CNFN: variants seen among roughly 807,000 people sequenced by gnomAD.
The protein encoded by CNFN is cornefied envelope protein cornefilin.
In CNFN, 10 loss-of-function variants were observed where a neutral mutation model predicts 14.9. The observed-to-expected ratio is 0.67, with a 90% CI of 0.41 to 1.14. The LOEUF (loss-of-function observed/expected upper bound fraction) is 1.14. CNFN is among the 50% of genes most tolerant of loss of function. The pLI is 0.00. For synonymous variants in CNFN, 66 were observed against 60.0 expected, an observed-to-expected ratio of 1.10 and a Z score of -0.46; for missense variants, 165 against 152.8, an observed-to-expected ratio of 1.08 and a Z score of -0.42.
At chr19:42,389,484 C>T (rs1303474143) in intron 1 of CNFN, 1 of 1,291,058 alleles carries the variant, frequency 7.7e-7, no homozygotes, top group Non-Finnish European at 1.0e-6. Flanking sequence ...ACCCAGCGGT[C>T]CCACCTTTGC....
intron 3 of CNFN, 33 bp downstream of exon 3, chr19:42,387,307 C>T (rs747123593): frequency 6.2e-6 from 10 of 1,601,108 alleles, no homozygotes; most frequent in Non-Finnish European, 6.8e-6. Flanking sequence ...TCCCCAGCTC[C>T]CTGCTCCCGC....
At position 42,389,104 on chromosome 19, in the gene CNFN, G is replaced by A. The variant is rs2039878790; in HGVS notation, c.-2-65C>T. ...CAGCATCTCCTGGGCCCCGCACTTC[G>A]GCCACCCTTCCCTGTGCCGGGCAGT... On this transcript the variant is annotated intron_variant, in intron 1 of 3. Coordinates refer to ENST00000222032, the MANE Select transcript of CNFN (RefSeq NM_032488.4). 2.2e-5 allele frequency: 27 copies of A among 1,246,886 alleles called. No individual in the cohort carries two copies. In the South Asian group the frequency reaches 2.2e-4, roughly 10 times the overall value. 77.2% of individuals were successfully genotyped at this position (1,246,886 alleles called of 1,614,324 possible).
In CNFN at chr19:42,387,148, C is replaced by A; in HGVS notation, c.*5G>T. On this transcript the variant is annotated 3_prime_UTR_variant, in exon 4 of 4. Transcript: ENST00000222032. ...GGAAAAGGACGGGGAAGACAGGGAA[C>A]TTCCTTACTCTCGGATCTTCAGTTC... The A allele has an allele frequency of 6.2e-7, 1 of 1,614,178 alleles. No homozygotes were observed. The highest frequency in any genetic ancestry group is 8.5e-7 in the Non-Finnish European group (1 of 1,179,990).
intron 1 of CNFN, chr19:42,389,415 G>T: frequency 8.2e-7 from 1 of 1,224,790 alleles, no homozygotes. Flanking sequence ...TGTCTTCGAA[G>T]CAAGGGTGCC....
At position 42,387,031 on chromosome 19, in the gene CNFN, T is replaced by C. The variant is rs572485469; in HGVS notation, c.*122A>G. The stretch of plus-strand genomic sequence containing the variant: ...GATGTAGGCGGAGTTGGTTTTCAGG[T>C]TTTTATTGTGGGTGTATTTCTGGCA... On this transcript the variant is annotated 3_prime_UTR_variant, in exon 4 of 4. Coordinates refer to ENST00000222032, the MANE Select transcript of CNFN (RefSeq NM_032488.4). 1.0e-6 allele frequency: 1 copy of C among 982,450 alleles called. No individual in the cohort carries two copies. Among genetic ancestry groups the C allele is most frequent in the African/African-American group, 1.6e-5 (1 of 61,970 alleles). The allele number at this position is 982,450 out of a possible 1,614,324, so 60.9% of individuals were successfully genotyped here.
intron 2 of CNFN, among the ~76,000 whole-genome samples, chr19:42,388,021 G>GA (rs1177300285): frequency 6.5e-5 from 9 of 138,132 alleles, no homozygotes; most frequent in Middle Eastern, 3.8e-3. Context: ...ACGAAAGAAA[G>GA]AAAAAAAAAG....
chr19:42,388,013 G>A (rs1453483239), intron 2 of CNFN, among the ~76,000 whole-genome samples: 27 of 139,862 alleles, frequency 1.9e-4, no homozygotes, highest in Middle Eastern at 3.8e-3. Context: ...AAAAAAAAAC[G>A]AAAGAAAGAA....
intron 2 of CNFN, 81 bp from the exon 3 acceptor site, chr19:42,387,557 C>G (rs2039862798): frequency 1.8e-6 from 2 of 1,087,240 alleles, no homozygotes; most frequent in Admixed American, 5.5e-5. Context: ...GCGGTTGATT[C>G]GCCGCGGAGG....
rs772510901 is a variant in CNFN, at chr19:42,387,445, AAGGCACAG to A, written c.136_143del (p.Leu46CysfsTer105). On this transcript the variant is annotated frameshift_variant, in exon 3 of 4. Transcript: ENST00000222032. LOFTEE classifies it high-confidence loss of function. ...CAAAGTCGTCGGAGATGCGGCAGGC[AAGGCACAG>A]AGGAGCAAAAGTGCCGCACAGACCT... The A allele has an allele frequency of 6.3e-7, 1 of 1,596,636 alleles. No homozygotes were observed. The highest frequency in any genetic ancestry group is 1.1e-5 in the South Asian group (1 of 88,726).
chr19:42,387,524 G>A (rs771397006), intron 2 of CNFN, 48 bp from the exon 3 acceptor site: 3 of 1,462,612 alleles, frequency 2.1e-6, no homozygotes, highest in Non-Finnish European at 2.7e-6. Context: ...GGGGCCTCCC[G>A]ACGGCTCCGC....
At chr19:42,388,360 T>C (rs1411431155) in intron 2 of CNFN, among the ~76,000 whole-genome samples, 1 of 151,900 alleles carries the variant, frequency 6.6e-6, no homozygotes, top group African/African-American at 2.4e-5. Flanking sequence ...GCCCGGTTTT[T>C]TTTTTTGTAT....
At chr19:42,389,812 G>A (rs1430022030) in intron 1 of CNFN, among the ~76,000 whole-genome samples, 1 of 152,236 alleles carries the variant, frequency 6.6e-6, no homozygotes, top group Admixed American at 6.5e-5. Flanking sequence ...CCGAGATAGA[G>A]CTTGAGGGAG....
rs1469679092 is a variant in CNFN at position 42,387,257 on chromosome 19, A to T, written c.250-15T>A. 10 of 1,612,050 alleles carry T rather than the reference A, an allele frequency of 6.2e-6. No individual in the cohort carries two copies. In the South Asian group the frequency reaches 9.9e-5, roughly 16 times the overall value. ...CCGACGGAGCCCTAGAGGGTAGGAG[A>T]GAGCGGTCAGGAGCCCCGCGGTGGG... On this transcript the variant is annotated splice_polypyrimidine_tract_variant and intron_variant, in intron 3 of 3. Transcript: ENST00000222032.
chr19:42,387,504 G>C, intron 2 of CNFN, 28 bp from the exon 3 acceptor site: 1 of 1,510,610 alleles, frequency 6.6e-7, no homozygotes, highest in East Asian at 2.5e-5. Flanking sequence ...GCTCAGGGGC[G>C]GGGCCAGCCG....
rs1555786089 is a variant in CNFN at position 42,388,005 on chromosome 19, A to AAAC, written c.113-530_113-529insGTT. Among the ~76,000 whole-genome samples the AAAC allele has an allele frequency of 1.2e-3, 172 of 143,684 alleles. 6 individuals are homozygous for AAAC. Among genetic ancestry groups the AAAC allele is most frequent in the African/African-American group, 4.5e-3 (162 of 36,232 alleles). 94.3% of individuals were successfully genotyped at this position (143,684 alleles called of 152,430 possible). A position where few individuals can be genotyped will look rare whatever the true frequency, so the allele number is the denominator to read the frequency against. On this transcript the variant is annotated intron_variant, in intron 2 of 3. Coordinates refer to ENST00000222032, the MANE Select transcript of CNFN (RefSeq NM_032488.4). ...AAAAAAAACAAAAAACAAAACAAAA[A>AAAC]AAAAAACGAAAGAAAGAAAAAAAAA...
Position 42,388,951 on chromosome 19 carries a change from C to A in CNFN, c.87G>T (p.Thr29=), listed in dbSNP as rs752854433. ...AGACAGGCATGTCGTTGCAGCAGTC[C>A]GTGAGACCTGTGTGCCAGTCACTGA... ...TQLSDWHTGL[T]DCCNDMPVCL... is the part of the protein sequence containing the mutation. Residue 29 remains threonine (T), a synonymous_variant, in exon 2 of 4, where the codon ACG becomes ACT. Coordinates refer to ENST00000222032, the MANE Select transcript of CNFN (RefSeq NM_032488.4). 6 of 1,613,470 alleles carry A rather than the reference C, an allele frequency of 3.7e-6. No individual in the cohort carries two copies. Among genetic ancestry groups the A allele is most frequent in the Admixed American group, 1.7e-5 (1 of 59,984 alleles).
chr19:42,389,111 C>T (rs2039878844), intron 1 of CNFN, 72 bp from the exon 2 acceptor site: 15 of 1,180,758 alleles, frequency 1.3e-5, no homozygotes, highest in Non-Finnish European at 1.7e-5. Flanking sequence ...TTCGGCCACC[C>T]TTCCCTGTGC....
At position 42,387,259 on chromosome 19, in the gene CNFN, A is replaced by G. The variant is rs2039857294; in HGVS notation, c.250-17T>C. 1 of 1,611,480 alleles carries G rather than the reference A, an allele frequency of 6.2e-7. No individual in the cohort carries two copies. The highest frequency in any genetic ancestry group is 8.5e-7 in the Non-Finnish European group (1 of 1,178,506). ...GACGGAGCCCTAGAGGGTAGGAGAG[A>G]GCGGTCAGGAGCCCCGCGGTGGGTC... On this transcript the variant is annotated splice_polypyrimidine_tract_variant and intron_variant, in intron 3 of 3. Coordinates refer to ENST00000222032, the MANE Select transcript of CNFN (RefSeq NM_032488.4).
intron 1 of CNFN, chr19:42,389,435 G>T (rs912102587): frequency 3.1e-6 from 4 of 1,279,812 alleles, no homozygotes; most frequent in African/African-American, 1.5e-5. Flanking sequence ...CCAGGGGAGG[G>T]AGGCGGCCAG....
Sources: gnomAD v4.1 joint callset for allele counts (sites outside exome capture counted in the v4.1 genomes callset) on GRCh38, gnomAD v4.1.1 for gene constraint, MANE v1.5 for transcripts, NCBI Gene and HGNC (gene_info 2026-07-23, HGNC 2026-07-21) for gene names.